Variants in CACNA1D observed in about 807,000 individuals in gnomAD.
CACNA1D encodes the protein calcium voltage-gated channel subunit alpha1 D.
CACNA1D carries 55 observed loss-of-function variants against 257.1 expected under a neutral mutation model. That is an observed-to-expected ratio of 0.21 (90% CI 0.17 to 0.27). The LOEUF (loss-of-function observed/expected upper bound fraction) is 0.27. Ranked by LOEUF, CACNA1D falls within the 10% of genes least tolerant of loss-of-function variation. CACNA1D has a pLI of 1.00. For synonymous variants in CACNA1D, 980 were observed against 1,014.9 expected (o/e 0.97, Z 0.65); for missense variants, 1,876 against 2,784.0 (o/e 0.67, Z 7.34).
intron 3 of CACNA1D, among the ~76,000 whole-genome samples, chr3:53,546,313 G>A (rs375942649): frequency 5.5e-4 from 84 of 152,268 alleles, no homozygotes; most frequent in African/African-American, 1.9e-3. Flanking sequence ...GAGTGTGACC[G>A]ATTCCAGGAA....
At chr3:53,597,599 T>C (rs1348713098) in intron 3 of CACNA1D, among the ~76,000 whole-genome samples, 1 of 152,234 alleles carries the variant, frequency 6.6e-6, no homozygotes, top group African/African-American at 2.4e-5. Context: ...CTGGGTTTCA[T>C]ATTTTTAGCT....
At chr3:53,678,478 TCAATC>T (rs2094397355) in intron 8 of CACNA1D, among the ~76,000 whole-genome samples, 1 of 152,216 alleles carries the variant, frequency 6.6e-6, no homozygotes. Flanking sequence ...TCATTTTAAA[TCAATC>T]CAATTTTGTA....
At chr3:53,513,588 T>C (rs1376130885) in intron 3 of CACNA1D, among the ~76,000 whole-genome samples, 1 of 152,180 alleles carries the variant, frequency 6.6e-6, no homozygotes, top group Non-Finnish European at 1.5e-5. Flanking sequence ...AAGCCGAGAT[T>C]GTGCCACTTT....
At chr3:53,585,268 C>T (rs1056383538) in intron 3 of CACNA1D, among the ~76,000 whole-genome samples, 16 of 152,034 alleles carry the variant, frequency 1.1e-4, no homozygotes, top group Non-Finnish European at 1.6e-4. Flanking sequence ...AGATTCCTCC[C>T]GAGCCTGTTG....
Position 53,538,163 on chromosome 3 carries a change from T to C in CACNA1D, c.483+36443T>C, listed in dbSNP as rs1475156020. Among the ~76,000 whole-genome samples the C allele has an allele frequency of 1.1e-4, 14 of 123,704 alleles. No homozygotes were observed. The East Asian group carries it at 3.1e-3, about 28-fold the overall frequency. 81.2% of individuals were successfully genotyped at this position (123,704 alleles called of 152,430 possible). ...GAAGTTTTTTTTTTTTTTTTTTTTT[T>C]TTTTGACAGAGTCTCGTTCTATCTC... On this transcript the variant is annotated intron_variant, in intron 3 of 47. Coordinates refer to ENST00000350061, the MANE Select transcript of CACNA1D (RefSeq NM_001128840.3).
At chr3:53,634,681 A>G (rs11707976) in intron 3 of CACNA1D, among the ~76,000 whole-genome samples, 31,659 of 152,110 alleles carry the variant, frequency 0.21, 3,596 homozygotes, top group African/African-American at 0.29. Flanking sequence ...CAACACAACC[A>G]CCACATTCAG....
At chr3:53,735,549 C>T (rs762462841) in intron 20 of CACNA1D, 46 bp downstream of exon 20, 1 of 1,606,916 alleles carries the variant, frequency 6.2e-7, no homozygotes. Context: ...CCTGGCCTCT[C>T]TCGGGCAGAG....
chr3:53,749,406 C>T lies in CACNA1D; in HGVS notation c.3453C>T (p.Val1151=). The part of the protein sequence containing the change: ...FFMMNIFVGF[V]IVTFQEQGEK... The stretch of plus-strand genomic sequence containing the variant: ...TGATGAACATCTTTGTGGGCTTTGT[C>T]ATCGTTACATTTCAGGAACAAGGAG... The change falls in exon 27 of 48, where the codon GTC becomes GTT. Residue 1151 remains valine, a synonymous_variant. Coordinates refer to ENST00000350061, the MANE Select transcript of CACNA1D (RefSeq NM_001128840.3). 1 of 1,613,896 alleles carries T rather than the reference C, an allele frequency of 6.2e-7. No individual in the cohort carries two copies. Among genetic ancestry groups the T allele is most frequent in the Non-Finnish European group, 8.5e-7 (1 of 1,179,800 alleles).
intron 3 of CACNA1D, among the ~76,000 whole-genome samples, chr3:53,559,207 T>G (rs1074235): frequency 0.21 from 31,782 of 152,188 alleles, 3,996 homozygotes; most frequent in Middle Eastern, 0.32. Context: ...TTTCAAAATT[T>G]TTGTTTTTGC....
chr3:53,726,810 GA>G, intron 14 of CACNA1D, 68 bp from the exon 15 acceptor site: 1 of 1,609,566 alleles, frequency 6.2e-7, no homozygotes, highest in Non-Finnish European at 8.5e-7. Flanking sequence ...GGCAGCCACC[GA>G]GGGGCTCTAA....
intron 17 of CACNA1D, among the ~76,000 whole-genome samples, 188 bp from the exon 18 acceptor site, chr3:53,731,828 T>G (rs1417830310): frequency 6.6e-6 from 1 of 152,258 alleles, no homozygotes; most frequent in Admixed American, 6.5e-5. Flanking sequence ...TCTTCTCACC[T>G]GCCCTCAGGC....
At chr3:53,761,926 G>A (rs572559924) in intron 29 of CACNA1D, 72 bp from the exon 30 acceptor site, 18 of 1,064,148 alleles carry the variant, frequency 1.7e-5, no homozygotes, top group South Asian at 6.3e-5. Flanking sequence ...ACTCGGATTC[G>A]CCCCTATACG....
intron 40 of CACNA1D, among the ~76,000 whole-genome samples, chr3:53,795,598 A>G (rs544214381): frequency 3.9e-5 from 6 of 152,334 alleles, no homozygotes; most frequent in South Asian, 2.1e-4. Flanking sequence ...TAAGCTCACA[A>G]TGACTGGTAT....
intron 4 of CACNA1D, among the ~76,000 whole-genome samples, chr3:53,651,283 TA>T (rs923560032): frequency 1.3e-5 from 2 of 149,542 alleles, no homozygotes; most frequent in Non-Finnish European, 3.0e-5. Flanking sequence ...AATGTTAAGT[TA>T]AAAAAAGTAA....
intron 3 of CACNA1D, among the ~76,000 whole-genome samples, chr3:53,546,602 G>A (rs895939615): frequency 9.9e-5 from 15 of 152,186 alleles, no homozygotes; most frequent in Admixed American, 7.2e-4. Context: ...ATTTATAATT[G>A]GGCATTTCCT....
At chr3:53,502,582 T>C (rs950347981) in intron 3 of CACNA1D, among the ~76,000 whole-genome samples, 6 of 151,910 alleles carry the variant, frequency 3.9e-5, no homozygotes, top group Non-Finnish European at 8.8e-5. Flanking sequence ...TAAAGAGTAC[T>C]AGACTGGGAC....
At chr3:53,587,033 C>T (rs1312504382) in intron 3 of CACNA1D, among the ~76,000 whole-genome samples, 2 of 152,138 alleles carry the variant, frequency 1.3e-5, no homozygotes, top group South Asian at 2.1e-4. Flanking sequence ...GTTCCTGGAA[C>T]CGTGGGGCCC....
chr3:53,509,569 A>G (rs1251201216), intron 3 of CACNA1D, among the ~76,000 whole-genome samples: 1 of 152,140 alleles, frequency 6.6e-6, no homozygotes, highest in Non-Finnish European at 1.5e-5. Context: ...GAATGAGTGA[A>G]CGCGAGGTGA....
rs1369230129 is a variant in CACNA1D at position 53,800,403 on chromosome 3, G to A, written c.5040+38G>A. 1 of 1,332,744 alleles carries A rather than the reference G, an allele frequency of 7.5e-7. No homozygotes were observed. The highest frequency in any genetic ancestry group is 1.2e-5 in the South Asian group (1 of 85,442). 82.6% of individuals were successfully genotyped at this position (1,332,744 alleles called of 1,614,324 possible). Reference sequence around the variant, plus strand: ...CGCCTAGCTACACACTGGCCATCTGGAAATAGCAGGGCAGGACTCCAGTTT... The same window carrying A: ...CGCCTAGCTACACACTGGCCATCTGAAAATAGCAGGGCAGGACTCCAGTTT... On this transcript the variant is annotated intron_variant, in intron 41 of 47. Coordinates refer to ENST00000350061, the MANE Select transcript of CACNA1D (RefSeq NM_001128840.3). This position sits in a 1 kb window ranked among gnomAD's most constrained non-coding sequence, Gnocchi z 4.3.
Sources: allele counts gnomAD v4.1 joint callset (sites outside exome capture counted in the v4.1 genomes callset), GRCh38; gene constraint gnomAD v4.1.1; non-coding constraint Gnocchi (gnomAD v3.1); transcripts MANE v1.5; gene names NCBI Gene and HGNC (gene_info 2026-07-23, HGNC 2026-07-21).